NSD1: variants seen among roughly 807,000 people sequenced by gnomAD.
The protein encoded by NSD1 is nuclear receptor binding SET domain protein 1.
In NSD1, 26 loss-of-function variants were observed where a neutral mutation model predicts 242.7. That is an observed-to-expected ratio of 0.11 (90% CI 0.08 to 0.15). The LOEUF (loss-of-function observed/expected upper bound fraction) is 0.15. Ranked by LOEUF, NSD1 falls within the 10% of genes least tolerant of loss-of-function variation. The pLI, the probability that NSD1 is intolerant of heterozygous loss-of-function variation, is 1.00. For synonymous variants in NSD1, 1,106 were observed against 1,178.1 expected, an observed-to-expected ratio of 0.94 and a Z score of 1.25; for missense variants, 2,495 against 3,272.8, an observed-to-expected ratio of 0.76 and a Z score of 5.80.
At chr5:177,208,343 T>A (rs535417919) in intron 4 of NSD1, among the ~76,000 whole-genome samples, 80 of 152,250 alleles carry the variant, frequency 5.3e-4, no homozygotes, top group Non-Finnish European at 9.4e-4. Flanking sequence ...CAGGTTATAT[T>A]TAACATTTAT....
intron 12 of NSD1, among the ~76,000 whole-genome samples, chr5:177,255,395 A>T (rs1293442210): frequency 6.6e-6 from 1 of 152,100 alleles, no homozygotes; most frequent in Non-Finnish European, 1.5e-5. Context: ...TAAAATATTT[A>T]TTTGCTGGAT....
chr5:177,189,361 T>G lies in NSD1; in HGVS notation c.928-2523T>G, dbSNP rs751300596. Among the ~76,000 whole-genome samples the G allele has an allele frequency of 1.1e-4, 16 of 152,228 alleles. 1 individual carries two copies. Among genetic ancestry groups the G allele is most frequent in the Non-Finnish European group, 2.1e-4 (14 of 68,040 alleles). On this transcript the variant is annotated intron_variant, in intron 2 of 22. Transcript: ENST00000439151. Reference sequence around the variant, plus strand: ...TCTTTACCTGATACCACTGACATTCTTTCTCCTCTGTCTATTGAATGCATG... The same window carrying G: ...TCTTTACCTGATACCACTGACATTCGTTCTCCTCTGTCTATTGAATGCATG...
In NSD1 at chr5:177,136,026, C is replaced by T. The variant is rs772844416; in HGVS notation, c.923C>T (p.Pro308Leu). 1 of 1,613,558 alleles carries T rather than the reference C, an allele frequency of 6.2e-7. No individual in the cohort carries two copies. Among genetic ancestry groups the T allele is most frequent in the Non-Finnish European group, 8.5e-7 (1 of 1,179,752 alleles). Residue 308 changes from proline to leucine, a missense_variant, in exon 2 of 23, where the codon CCA (proline) becomes CTA (leucine). Transcript: ENST00000439151. ...TSSSSTSQEL[P>L]FCQPKKKSTP... is the part of the protein sequence containing the mutation. ...TCATCATCTACTTCACAGGAATTGC[C>T]ATTTGTAAGCAGTTTTTGGTACAAC...
At chr5:177,160,297 TTTTTC>T (rs946622170) in intron 2 of NSD1, among the ~76,000 whole-genome samples, 1 of 152,076 alleles carries the variant, frequency 6.6e-6, no homozygotes, top group African/African-American at 2.4e-5. Flanking sequence ...AATGTGTTTT[TTTTTC>T]TTTTCTTTTG....
At chr5:177,172,961 C>CA (rs1157349270) in intron 2 of NSD1, among the ~76,000 whole-genome samples, 17,940 of 65,876 alleles carry the variant, frequency 0.27, 2,504 homozygotes, top group East Asian at 0.56. Context: ...GACCCTGTCT[C>CA]AAAAAAAAAA....
At chr5:177,158,922 T>TTG (rs560922028) in intron 2 of NSD1, among the ~76,000 whole-genome samples, 13,976 of 132,194 alleles carry the variant, frequency 0.11, 1,174 homozygotes, top group African/African-American at 0.27. Context: ...TATATATAGT[T>TTG]TGTGTGTGTG....
chr5:177,176,439 T>C (rs929257435), intron 2 of NSD1, among the ~76,000 whole-genome samples: 4 of 150,816 alleles, frequency 2.7e-5, no homozygotes, highest in African/African-American at 7.3e-5. Flanking sequence ...TTTTTTTTTT[T>C]CTTCTTTTTA....
intron 20 of NSD1, chr5:177,288,533 G>T: frequency 2.8e-6 from 1 of 356,386 alleles, no homozygotes; most frequent in Non-Finnish European, 5.3e-6. Context: ...AACATATTTT[G>T]AATCTGAATG....
At chr5:177,205,514 G>T in intron 4 of NSD1, among the ~76,000 whole-genome samples, 1 of 150,562 alleles carries the variant, frequency 6.6e-6, no homozygotes, top group South Asian at 2.1e-4. Flanking sequence ...TTTTCCTCCA[G>T]TTTTTTTTAT....
intron 21 of NSD1, among the ~76,000 whole-genome samples, chr5:177,290,028 T>C (rs530317508): frequency 2.3e-4 from 35 of 151,762 alleles, no homozygotes; most frequent in East Asian, 1.5e-3. Context: ...AGGGTTTCAC[T>C]GTTGTTAGCC....
chr5:177,182,804 A>G (rs1760802805), intron 2 of NSD1, among the ~76,000 whole-genome samples: 1 of 151,798 alleles, frequency 6.6e-6, no homozygotes, highest in Admixed American at 6.6e-5. Context: ...CGCCTGGCTA[A>G]TTTTTGTATT....
intron 2 of NSD1, among the ~76,000 whole-genome samples, chr5:177,141,004 C>T (rs766568395): frequency 6.6e-6 from 1 of 152,036 alleles, no homozygotes; most frequent in Non-Finnish European, 1.5e-5. Context: ...TCCCTCCTGG[C>T]TGGGTGACCT....
At chr5:177,152,363 T>A (rs1038614693) in intron 2 of NSD1, among the ~76,000 whole-genome samples, 2 of 147,712 alleles carry the variant, frequency 1.4e-5, no homozygotes, top group South Asian at 2.1e-4. Flanking sequence ...GTATGTATGT[T>A]TGTATATATT....
In NSD1 at chr5:177,298,606, A is replaced by T. The variant is rs778540489; in HGVS notation, c.*3147A>T. On this transcript the variant is annotated 3_prime_UTR_variant, in exon 23 of 23. Transcript: ENST00000439151. ...ACTGTGTTGACCCTCTTCTGAACCA[A>T]ATCTTTAGCATTGATGAAAATAGTT... 12 of 233,122 alleles carry T rather than the reference A, an allele frequency of 5.1e-5. No individual in the cohort carries two copies. The highest frequency in any genetic ancestry group is 1.8e-4 in the South Asian group (1 of 5,532). The allele number at this position is 233,122 out of a possible 1,614,324, so 14.4% of individuals were successfully genotyped here.
rs767154633 is a variant in NSD1, at chr5:177,295,131, A to G, written c.7763A>G (p.Gln2588Arg). Reference protein sequence around the residue: ...KQAKQMVGGQQLPALAAKSGQ... With the variant: ...KQAKQMVGGQRLPALAAKSGQ... ...GCGAAGCAGATGGTCGGAGGCCAGC[A>G]ACTACCTGCACTTGCCGCCAAGAGT... The change falls in exon 23 of 23, where the codon CAA (glutamine) becomes CGA (arginine). Residue 2588 changes from glutamine (Q) to arginine (R), a missense_variant. Around this residue, in one of 19 missense-constraint regions of NSD1, gnomAD observed 475 missense variants for 563.7 expected, o/e 0.84. Transcript: ENST00000439151. This position sits in a 1 kb window ranked among gnomAD's most constrained non-coding sequence, Gnocchi z 4.3. 1.2e-6 allele frequency: 2 copies of G among 1,613,606 alleles called. No individual in the cohort carries two copies. Among genetic ancestry groups the G allele is most frequent in the South Asian group, 2.2e-5 (2 of 91,084 alleles).
chr5:177,141,319 CTTTTTTTTTTTTTTT>C (rs567992731), intron 2 of NSD1, among the ~76,000 whole-genome samples: 27 of 97,036 alleles, frequency 2.8e-4, no homozygotes, highest in Admixed American at 7.5e-4. Flanking sequence ...CGCGCGCAGC[CTTTTTTTTTTTTTTT>C]TTTTTTTTTT....
intron 2 of NSD1, among the ~76,000 whole-genome samples, chr5:177,152,319 G>GTGTA (rs57114836): frequency 0.05 from 6,370 of 128,172 alleles, 177 homozygotes; most frequent in Non-Finnish European, 0.068. Flanking sequence ...TTGTGTGTGT[G>GTGTA]TGTATGTATG....
At chr5:177,159,895 AT>A (rs67232874) in intron 2 of NSD1, among the ~76,000 whole-genome samples, 168 of 138,712 alleles carry the variant, frequency 1.2e-3, no homozygotes, top group Non-Finnish European at 1.3e-3. Context: ...GGCCGAATAT[AT>A]TTTTTTTTTT....
intron 2 of NSD1, among the ~76,000 whole-genome samples, chr5:177,145,216 C>CT: frequency 6.6e-6 from 1 of 151,866 alleles, no homozygotes; most frequent in Non-Finnish European, 1.5e-5. Context: ...CTACACACCC[C>CT]TTTTTTTCCC....
Sources: gnomAD v4.1 joint callset for allele counts (sites outside exome capture counted in the v4.1 genomes callset) on GRCh38, gnomAD v4.1.1 for gene constraint, gnomAD v4.1.1 regional missense constraint, Gnocchi (gnomAD v3.1) non-coding constraint, MANE v1.5 for transcripts, NCBI Gene and HGNC (gene_info 2026-07-23, HGNC 2026-07-21) for gene names.